The following STIM2 variants were observed in gnomAD, a reference collection of about 807,000 sequenced individuals.
The protein encoded by STIM2 is stromal interaction molecule 2.
Under a neutral mutation model 85.8 loss-of-function variants are expected in STIM2, and 31 were observed. The ratio of observed to expected loss-of-function variants is 0.36; its 90% CI spans 0.27 to 0.49. The LOEUF is 0.49. STIM2 is among the 20% of genes least tolerant of loss of function. The pLI is 0.98. For synonymous variants in STIM2, 356 were observed against 331.1 expected, an observed-to-expected ratio of 1.08 and a Z score of -0.82; for missense variants, 841 against 927.6, an observed-to-expected ratio of 0.91 and a Z score of 1.21.
At chr4:26,969,176 A>G (rs1018158457) in intron 3 of STIM2, among the ~76,000 whole-genome samples, 2 of 152,198 alleles carry the variant, frequency 1.3e-5, no homozygotes, top group African/African-American at 4.8e-5. Context: ...TATCACTAAC[A>G]ATTTTTAAAT....
chr4:26,861,091 G>T lies in STIM2; in HGVS notation c.-128G>T. 1 of 1,197,610 alleles carries T rather than the reference G, an allele frequency of 8.3e-7. No individual in the cohort carries two copies. Among genetic ancestry groups the T allele is most frequent in the Non-Finnish European group, 1.0e-6 (1 of 968,416 alleles). 74.2% of individuals were successfully genotyped at this position (1,197,610 alleles called of 1,614,324 possible). On this transcript the variant is annotated 5_prime_UTR_variant, in exon 1 of 12. Coordinates refer to ENST00000467087, the MANE Select transcript of STIM2 (RefSeq NM_020860.4). ...CCGGCGGCGGTGGTGGCGCCTCGCG[G>T]AGCCGGCGAGCTGCAGGCGGCCGGG...
chr4:26,954,738 T>C (rs914041929), intron 2 of STIM2, among the ~76,000 whole-genome samples: 6 of 148,234 alleles, frequency 4.0e-5, no homozygotes, highest in Non-Finnish European at 8.9e-5. Flanking sequence ...TTAATGTGTT[T>C]GGTTCATTTA....
At chr4:26,972,723 A>G (rs1357574649) in intron 3 of STIM2, among the ~76,000 whole-genome samples, 2 of 152,166 alleles carry the variant, frequency 1.3e-5, no homozygotes, top group Non-Finnish European at 2.9e-5. Context: ...TGTCTCTGCC[A>G]GGCTTTGGTA....
chr4:27,002,249 C>G lies in STIM2; in HGVS notation c.658C>G (p.Leu220Val). Residue 220 changes from leucine to valine, a missense_variant, in exon 6 of 12, where the codon CTC becomes GTC. Transcript: ENST00000467087. ...TCATAACTGGATGAAAGATTTTATCCTCACAGTTTCTATAGTAATTGGTGT... is the reference window on the plus strand; with the variant it reads ...TCATAACTGGATGAAAGATTTTATCGTCACAGTTTCTATAGTAATTGGTGT... The G allele has an allele frequency of 6.2e-7, 1 of 1,610,348 alleles. No individual in the cohort carries two copies. The highest frequency in any genetic ancestry group is 8.5e-7 in the Non-Finnish European group (1 of 1,178,864).
At chr4:26,894,756 A>G (rs1192089493) in intron 1 of STIM2, among the ~76,000 whole-genome samples, 1 of 152,076 alleles carries the variant, frequency 6.6e-6, no homozygotes, top group Admixed American at 6.5e-5. Flanking sequence ...GTTCTTTTTC[A>G]AGACTGGGCT....
intron 1 of STIM2, among the ~76,000 whole-genome samples, chr4:26,910,252 T>C (rs1261541565): frequency 1.3e-5 from 2 of 152,182 alleles, no homozygotes; most frequent in African/African-American, 4.8e-5. Context: ...CTGGTCACGG[T>C]GGCTCACGCT....
intron 2 of STIM2, among the ~76,000 whole-genome samples, chr4:26,930,030 G>C (rs1305289076): frequency 6.6e-6 from 1 of 151,994 alleles, no homozygotes; most frequent in Non-Finnish European, 1.5e-5. Context: ...GAGTACTTTG[G>C]GTGCTTCAGA....
At chr4:27,010,274 T>C (rs1728515360) in intron 10 of STIM2, among the ~76,000 whole-genome samples, 1 of 151,994 alleles carries the variant, frequency 6.6e-6, no homozygotes. Context: ...TGAAATCCTG[T>C]CTCTAGTAAA....
At chr4:26,873,400 TAA>T (rs1282772093) in intron 1 of STIM2, among the ~76,000 whole-genome samples, 15 of 140,302 alleles carry the variant, frequency 1.1e-4, no homozygotes, top group Admixed American at 2.8e-4. Context: ...ACTCCGTCTT[TAA>T]AAAAAAAAAA....
At chr4:26,970,190 A>AGTGT (rs200450215) in intron 3 of STIM2, among the ~76,000 whole-genome samples, 2 of 87,520 alleles carry the variant, frequency 2.3e-5, no homozygotes, top group Admixed American at 1.2e-4. Flanking sequence ...TTTCGGTTTT[A>AGTGT]GTGTGTGTGT....
intron 3 of STIM2, among the ~76,000 whole-genome samples, chr4:26,963,874 T>C (rs1726579473): frequency 6.6e-6 from 1 of 152,228 alleles, no homozygotes. Flanking sequence ...AATACATTTT[T>C]AGTGTATGTG....
In STIM2 at chr4:27,025,265, C is replaced by T. The variant is rs1345621255; in HGVS notation, c.*2269C>T. 1 of 151,650 alleles carries T rather than the reference C, an allele frequency of 6.6e-6. No individual in the cohort carries two copies. The highest frequency in any genetic ancestry group is 1.5e-5 in the Non-Finnish European group (1 of 67,942). 9.4% of individuals were successfully genotyped at this position (151,650 alleles called of 1,614,324 possible). On this transcript the variant is annotated 3_prime_UTR_variant, in exon 12 of 12. Transcript: ENST00000467087. ...AGCTACAGTAATTTCTGTATTACAT[C>T]ATTTATATGTGAAAAGTTGGACATT...
rs1350904501 is a variant in STIM2, at chr4:26,860,929, T to C, written c.-290T>C. 1 of 1,105,872 alleles carries C rather than the reference T, an allele frequency of 9.0e-7. No individual in the cohort carries two copies. The highest frequency in any genetic ancestry group is 1.1e-6 in the Non-Finnish European group (1 of 889,792). 68.5% of individuals were successfully genotyped at this position (1,105,872 alleles called of 1,614,324 possible). ...CGTACCTTTCTACCCCCCACCTTTT[T>C]TTTTTTTTTTTTTAAATAACCGGAA... is the stretch of plus-strand genomic sequence containing the variant. On this transcript the variant is annotated 5_prime_UTR_variant, in exon 1 of 12. Transcript: ENST00000467087.
intron 7 of STIM2, among the ~76,000 whole-genome samples, chr4:27,003,758 T>C (rs1728239470): frequency 6.6e-6 from 1 of 151,840 alleles, no homozygotes; most frequent in African/African-American, 2.4e-5. Context: ...TCAGAGTGAG[T>C]TGAGGCGAGC....
chr4:26,912,112 G>A (rs974006419), intron 1 of STIM2, among the ~76,000 whole-genome samples: 1 of 152,058 alleles, frequency 6.6e-6, no homozygotes, highest in Non-Finnish European at 1.5e-5. Context: ...TATTTGATTC[G>A]GTAAATGCTT....
At chr4:26,919,778 T>TA in intron 2 of STIM2, 144 bp downstream of exon 2, 2 of 968,802 alleles carry the variant, frequency 2.1e-6, no homozygotes, top group Middle Eastern at 6.9e-4. Flanking sequence ...ATGTTAATTT[T>TA]ACCCTTAATA....
intron 1 of STIM2, among the ~76,000 whole-genome samples, chr4:26,879,837 C>G (rs1379924016): frequency 6.6e-6 from 1 of 152,190 alleles, no homozygotes; most frequent in Non-Finnish European, 1.5e-5. Flanking sequence ...TCATCGCCCA[C>G]ATTCTGACCT....
chr4:26,877,825 A>G (rs1722866446), intron 1 of STIM2, among the ~76,000 whole-genome samples: 1 of 152,168 alleles, frequency 6.6e-6, no homozygotes, highest in Non-Finnish European at 1.5e-5. Flanking sequence ...CCTTTGTGAG[A>G]GTACTGAGAA....
At chr4:26,982,148 A>C (rs1291456614) in intron 3 of STIM2, among the ~76,000 whole-genome samples, 1 of 152,162 alleles carries the variant, frequency 6.6e-6, no homozygotes, top group African/African-American at 2.4e-5. Context: ...GCGTTCTACT[A>C]TAAGGAAGAG....
Sources: gnomAD v4.1 joint callset for allele counts (sites outside exome capture counted in the v4.1 genomes callset) on GRCh38, gnomAD v4.1.1 for gene constraint, MANE v1.5 for transcripts, NCBI Gene and HGNC (gene_info 2026-07-23, HGNC 2026-07-21) for gene names.